Variants in SPIN1 observed in about 807,000 individuals in gnomAD.
The protein encoded by SPIN1 is spindlin-1.
A neutral mutation model predicts 26.0 loss-of-function variants in SPIN1; 3 were observed. The observed-to-expected ratio is 0.12, with a 90% CI of 0.05 to 0.30. SPIN1 has a LOEUF of 0.30. Ranked by LOEUF, SPIN1 falls within the 10% of genes least tolerant of loss-of-function variation. The pLI, the probability that SPIN1 is intolerant of heterozygous loss-of-function variation, is 1.00. For missense variants in SPIN1, 126 were observed against 333.4 expected (o/e 0.38, Z 4.84); for synonymous variants, 101 against 116.5 (o/e 0.87, Z 0.86).
chr9:88,454,529 T>G (rs774248143), intron 3 of SPIN1, among the ~76,000 whole-genome samples: 3 of 152,182 alleles, frequency 2.0e-5, no homozygotes, highest in Non-Finnish European at 4.4e-5. Flanking sequence ...TCCAAATAGG[T>G]GATTAGAAAT....
At chr9:88,451,123 CAG>C (rs1238943720) in intron 3 of SPIN1, among the ~76,000 whole-genome samples, 1 of 149,352 alleles carries the variant, frequency 6.7e-6, no homozygotes, top group East Asian at 2.0e-4. Flanking sequence ...AAAAAAAAAA[CAG>C]AACTATAGCA....
rs146514206 is a variant in SPIN1 at position 88,458,570 on chromosome 9, G to C, written c.102-3926G>C. 1.3e-3 allele frequency among the ~76,000 whole-genome samples: 197 copies of C among 152,264 alleles called. 1 individual carries two copies. Among genetic ancestry groups the C allele is most frequent in the African/African-American group, 4.5e-3 (186 of 41,546 alleles). On this transcript the variant is annotated intron_variant, in intron 3 of 5. Coordinates refer to ENST00000375859, the MANE Select transcript of SPIN1 (RefSeq NM_006717.3). The stretch of plus-strand genomic sequence containing the variant: ...ATTTACAGAGGAATGCTGCTAACAG[G>C]TGTGGGAGGGAGCAGCGACAACGAA...
chr9:88,425,888 C>G (rs1827755846), intron 1 of SPIN1, among the ~76,000 whole-genome samples: 1 of 152,148 alleles, frequency 6.6e-6, no homozygotes, highest in South Asian at 2.1e-4. Context: ...TGCTGTTACT[C>G]TGTCTTGAAC....
intron 4 of SPIN1, 149 bp downstream of exon 4, chr9:88,462,898 A>G (rs1828598450): frequency 1.1e-6 from 1 of 951,952 alleles, no homozygotes; most frequent in South Asian, 1.8e-5. Flanking sequence ...CGAAAACCAC[A>G]AAAATGGATC....
intron 5 of SPIN1, among the ~76,000 whole-genome samples, chr9:88,468,857 A>G (rs1270632176): frequency 6.6e-5 from 10 of 152,206 alleles, no homozygotes; most frequent in Admixed American, 2.0e-4. Context: ...TAACACTACT[A>G]CATATTACTT....
chr9:88,433,124 G>T (rs1462824475), intron 2 of SPIN1, among the ~76,000 whole-genome samples: 1 of 151,244 alleles, frequency 6.6e-6, no homozygotes, highest in Non-Finnish European at 1.5e-5. Flanking sequence ...GTGTCACCCA[G>T]TCTGGAGCAC....
intron 3 of SPIN1, among the ~76,000 whole-genome samples, chr9:88,459,577 C>T (rs1828537365): frequency 6.6e-6 from 1 of 152,112 alleles, no homozygotes; most frequent in Non-Finnish European, 1.5e-5. Flanking sequence ...ACTATACTTA[C>T]TCTGCTTTGC....
intron 1 of SPIN1, among the ~76,000 whole-genome samples, chr9:88,398,509 G>C (rs1447650359): frequency 6.6e-6 from 1 of 152,062 alleles, no homozygotes; most frequent in African/African-American, 2.4e-5. Flanking sequence ...AGGGTGTCTG[G>C]TTGGTTAAAT....
Position 88,475,475 on chromosome 9 carries a change from C to A in SPIN1, c.*198C>A. ...CATTTTGTGTAAGGAGAACCCCTTT[C>A]TTTTAAAAGAAGTCTGTCTATTTCG... On this transcript the variant is annotated 3_prime_UTR_variant, in exon 6 of 6. Transcript: ENST00000375859. 1 of 447,608 alleles carries A rather than the reference C, an allele frequency of 2.2e-6. No homozygotes were observed. The highest frequency in any genetic ancestry group is 5.1e-5 in the South Asian group (1 of 19,630). 27.7% of individuals were successfully genotyped at this position (447,608 alleles called of 1,614,324 possible).
chr9:88,407,647 AT>A (rs145119354), intron 1 of SPIN1, among the ~76,000 whole-genome samples: 14,245 of 150,264 alleles, frequency 0.095, 888 homozygotes, highest in South Asian at 0.19. Context: ...CTCATCTCTA[AT>A]TTTTTTTTAA....
intron 1 of SPIN1, among the ~76,000 whole-genome samples, chr9:88,392,117 C>T (rs1826936022): frequency 6.6e-6 from 1 of 152,290 alleles, no homozygotes; most frequent in African/African-American, 2.4e-5. Flanking sequence ...TCCTGAAATA[C>T]AGCAGCTGAC....
intron 2 of SPIN1, among the ~76,000 whole-genome samples, 156 bp downstream of exon 2, chr9:88,426,747 A>G (rs1293734254): frequency 1.3e-5 from 2 of 152,250 alleles, no homozygotes; most frequent in Non-Finnish European, 2.9e-5. Context: ...AGCAGATTTA[A>G]GTTTCTTGAA....
intron 1 of SPIN1, among the ~76,000 whole-genome samples, chr9:88,411,803 C>T (rs1008924877): frequency 6.6e-6 from 1 of 152,118 alleles, no homozygotes; most frequent in African/African-American, 2.4e-5. Context: ...GTGTGAACCA[C>T]TGTGCCTGGC....
At chr9:88,460,948 T>C (rs1828567766) in intron 3 of SPIN1, among the ~76,000 whole-genome samples, 1 of 152,252 alleles carries the variant, frequency 6.6e-6, no homozygotes, top group Non-Finnish European at 1.5e-5. Flanking sequence ...TTCATCTACT[T>C]AATGAGCCTG....
chr9:88,444,685 T>A (rs1828207824), intron 2 of SPIN1, among the ~76,000 whole-genome samples: 1 of 144,490 alleles, frequency 6.9e-6, no homozygotes, highest in African/African-American at 2.8e-5. Context: ...GTTTACCTTT[T>A]CTTTTCTTTT....
At chr9:88,420,080 AAG>A (rs1319660271) in intron 1 of SPIN1, among the ~76,000 whole-genome samples, 1 of 152,214 alleles carries the variant, frequency 6.6e-6, no homozygotes, top group African/African-American at 2.4e-5. Flanking sequence ...TCAAGTTTAA[AAG>A]AGTTTTATTC....
intron 2 of SPIN1, among the ~76,000 whole-genome samples, chr9:88,431,209 A>G (rs1827863076): frequency 6.7e-6 from 1 of 149,872 alleles, no homozygotes; most frequent in Non-Finnish European, 1.5e-5. Context: ...TTTTAATCAT[A>G]TTGATGGTAC....
intron 1 of SPIN1, among the ~76,000 whole-genome samples, chr9:88,404,773 G>A (rs992461344): frequency 5.9e-5 from 9 of 151,830 alleles, no homozygotes; most frequent in Non-Finnish European, 1.3e-4. Flanking sequence ...AAAAGTAGCC[G>A]GGCGTAGTGG....
intron 3 of SPIN1, among the ~76,000 whole-genome samples, chr9:88,451,549 CTG>C (rs1489802002): frequency 1.3e-5 from 2 of 151,994 alleles, no homozygotes; most frequent in East Asian, 1.9e-4. Context: ...AAAAGTACGT[CTG>C]TTTTTTTGTT....
Sources: allele counts gnomAD v4.1 joint callset (sites outside exome capture counted in the v4.1 genomes callset), GRCh38; gene constraint gnomAD v4.1.1; transcripts MANE v1.5; gene names NCBI Gene and HGNC (gene_info 2026-07-23, HGNC 2026-07-21).